SDK1: variants seen among roughly 807,000 people sequenced by gnomAD.
SDK1 encodes protein sidekick-1.
In SDK1, 157 loss-of-function variants were observed where a neutral mutation model predicts 245.5. The ratio of observed to expected loss-of-function variants is 0.64; its 90% CI spans 0.56 to 0.73. The LOEUF is 0.73. Ranked by LOEUF, SDK1 falls within the 30% of genes least tolerant of loss-of-function variation. The pLI is 0.00. For missense variants in SDK1, 3,583 were observed against 3,002.3 expected, an observed-to-expected ratio of 1.19 and a Z score of -4.52; for synonymous variants, 1,647 against 1,278.5, an observed-to-expected ratio of 1.29 and a Z score of -6.15.
At chr7:3,943,945 G>A (rs1316569990) in intron 5 of SDK1, among the ~76,000 whole-genome samples, 3 of 152,134 alleles carry the variant, frequency 2.0e-5, no homozygotes, top group African/African-American at 4.8e-5. Context: ...CCTGGCGCCC[G>A]TTGGTTGCTG....
chr7:3,584,731 A>T (rs1183093668), intron 1 of SDK1, among the ~76,000 whole-genome samples: 10 of 146,372 alleles, frequency 6.8e-5, no homozygotes, highest in Non-Finnish European at 6.0e-5. Context: ...ACTTCACGTT[A>T]TTTTTTTTTT....
rs1011463828 is a variant in SDK1, at chr7:3,835,562, C to G, written c.847+13979C>G. Among the ~76,000 whole-genome samples, 3 of 152,144 alleles carry G rather than the reference C, an allele frequency of 2.0e-5. No individual in the cohort carries two copies. In the South Asian group the frequency reaches 6.2e-4, roughly 32 times the overall value. On this transcript the variant is annotated intron_variant, in intron 5 of 44. Transcript: ENST00000404826. ...GTTCCCTAGGAAGTCCTCTCACCCC[C>G]CTTCTATGTTTTCAGCTCTTACCTA...
At chr7:4,130,321 T>G (rs949438541) in intron 27 of SDK1, 3 of 565,878 alleles carry the variant, frequency 5.3e-6, no homozygotes, top group Non-Finnish European at 9.2e-6. Flanking sequence ...GTACTGAGTT[T>G]CCCTCATAAC....
chr7:4,174,121 C>T (rs532529070), intron 32 of SDK1, 101 bp from the exon 33 acceptor site: 2 of 1,334,866 alleles, frequency 1.5e-6, no homozygotes, highest in Admixed American at 1.8e-5. Context: ...CGACTTTCTT[C>T]TGTGCAGCTG....
chr7:3,878,180 T>A (rs1262859563), intron 5 of SDK1, among the ~76,000 whole-genome samples: 2 of 151,572 alleles, frequency 1.3e-5, no homozygotes, highest in Non-Finnish European at 3.0e-5. Context: ...ATCTTTTCAA[T>A]TTTTTTTTCA....
chr7:3,358,121 C>A (rs1209474300), intron 1 of SDK1, among the ~76,000 whole-genome samples: 3 of 152,000 alleles, frequency 2.0e-5, no homozygotes, highest in Admixed American at 2.0e-4. Context: ...TCCTGGATTC[C>A]AGCGATTCTC....
chr7:4,022,849 C>T (rs1787022921), intron 17 of SDK1, among the ~76,000 whole-genome samples: 1 of 151,018 alleles, frequency 6.6e-6, no homozygotes, highest in Non-Finnish European at 1.5e-5. Context: ...TCTCGGCTCA[C>T]TGCAAGCTCC....
Position 4,034,892 on chromosome 7 carries a change from C to T in SDK1, c.2603-14456C>T, listed in dbSNP as rs188886688. Among the ~76,000 whole-genome samples, 6 of 152,300 alleles carry T rather than the reference C, an allele frequency of 3.9e-5. No individual in the cohort carries two copies. The East Asian group carries it at 1.2e-3, about 29-fold the overall frequency. On this transcript the variant is annotated intron_variant, in intron 17 of 44. Coordinates refer to ENST00000404826, the MANE Select transcript of SDK1 (RefSeq NM_152744.4). ...TAGAGCTATGGGGAAAAAGAAGGTA[C>T]CAAAATAGAAATCAGCATTCTCTGA...
chr7:3,831,439 T>C (rs1447371522), intron 5 of SDK1, among the ~76,000 whole-genome samples: 5 of 152,334 alleles, frequency 3.3e-5, no homozygotes, highest in African/African-American at 1.2e-4. Flanking sequence ...TTCAGAATTC[T>C]TAAGGTTTTC....
intron 40 of SDK1, among the ~76,000 whole-genome samples, chr7:4,223,496 T>A (rs908046271): frequency 2.6e-5 from 4 of 152,220 alleles, no homozygotes; most frequent in African/African-American, 9.6e-5. Context: ...CCACTTCTGG[T>A]GATTACAGGC....
At chr7:4,082,639 G>T (rs1386872008) in intron 22 of SDK1, among the ~76,000 whole-genome samples, 1 of 150,606 alleles carries the variant, frequency 6.6e-6, no homozygotes, top group South Asian at 2.1e-4. Flanking sequence ...TTATTTTTTT[G>T]AGATAGAATC....
chr7:3,522,503 T>C (rs1782973835), intron 1 of SDK1, among the ~76,000 whole-genome samples: 1 of 152,062 alleles, frequency 6.6e-6, no homozygotes, highest in Admixed American at 6.6e-5. Context: ...GGGAGTTCCT[T>C]GGATGCAGGG....
intron 1 of SDK1, among the ~76,000 whole-genome samples, chr7:3,421,091 CCT>C (rs1562476881): frequency 6.9e-6 from 1 of 143,976 alleles, no homozygotes; most frequent in African/African-American, 2.8e-5. Context: ...TCTGTACTCT[CCT>C]TTTTTTTTTT....
At chr7:3,762,290 A>T (rs1156640997) in intron 4 of SDK1, among the ~76,000 whole-genome samples, 1 of 152,132 alleles carries the variant, frequency 6.6e-6, no homozygotes, top group Non-Finnish European at 1.5e-5. Context: ...GGTGGTCCTG[A>T]TGATGGCATT....
At chr7:3,739,547 C>T (rs938285122) in intron 4 of SDK1, among the ~76,000 whole-genome samples, 38 of 152,184 alleles carry the variant, frequency 2.5e-4, no homozygotes, top group African/African-American at 9.1e-4. Flanking sequence ...TCTTTTTCTG[C>T]AGATTAAAAT....
chr7:3,622,807 G>T (rs1781984638), intron 2 of SDK1, among the ~76,000 whole-genome samples: 1 of 152,180 alleles, frequency 6.6e-6, no homozygotes, highest in South Asian at 2.1e-4. Flanking sequence ...TCTGAAGCAA[G>T]AATTGTTTGG....
intron 28 of SDK1, among the ~76,000 whole-genome samples, chr7:4,138,745 T>TG (rs1779260009): frequency 1.6e-5 from 1 of 62,378 alleles, no homozygotes; most frequent in African/African-American, 5.3e-5. Flanking sequence ...TGAAACTCTG[T>TG]CTCAAAAAAA....
At chr7:3,410,897 TC>T (rs2128577389) in intron 1 of SDK1, among the ~76,000 whole-genome samples, 1 of 152,226 alleles carries the variant, frequency 6.6e-6, no homozygotes, top group South Asian at 2.1e-4. Flanking sequence ...CAAACCATAT[TC>T]TTAACTCTGC....
Position 4,267,898 on chromosome 7 carries a change from T to C in SDK1, c.*2514T>C, listed in dbSNP as rs1214165921. ...GGGACTCTGTCCCATGAGAACCACC[T>C]GTGCAAAGGAACAGAGCTGGATGTT... On this transcript the variant is annotated 3_prime_UTR_variant, in exon 45 of 45. Coordinates refer to ENST00000404826, the MANE Select transcript of SDK1 (RefSeq NM_152744.4). The C allele has an allele frequency of 6.1e-6, 6 of 985,340 alleles. No individual in the cohort carries two copies. In the Admixed American group the frequency reaches 3.7e-4, roughly 61 times the overall value. 61.0% of individuals were successfully genotyped at this position (985,340 alleles called of 1,614,324 possible). A position where few individuals can be genotyped will look rare whatever the true frequency, so the allele number is the denominator to read the frequency against.
Sources: allele counts gnomAD v4.1 joint callset (sites outside exome capture counted in the v4.1 genomes callset), GRCh38; gene constraint gnomAD v4.1.1; transcripts MANE v1.5; gene names NCBI Gene and HGNC (gene_info 2026-07-23, HGNC 2026-07-21).